ROBO2: variants seen among roughly 807,000 people sequenced by gnomAD.
ROBO2 encodes roundabout homolog 2.
A neutral mutation model predicts 160.8 loss-of-function variants in ROBO2; 53 were observed. The ratio of observed to expected loss-of-function variants is 0.33; its 90% CI spans 0.26 to 0.41. ROBO2 has a LOEUF of 0.41. ROBO2 is among the 10% of genes least tolerant of loss of function. The pLI is 1.00. For synonymous variants in ROBO2, 664 were observed against 611.7 expected, an observed-to-expected ratio of 1.09 and a Z score of -1.26; for missense variants, 1,577 against 1,722.4, an observed-to-expected ratio of 0.92 and a Z score of 1.49.
intron 2 of ROBO2, among the ~76,000 whole-genome samples, chr3:76,920,062 G>GA (rs947287601): frequency 6.6e-5 from 10 of 152,204 alleles, no homozygotes; most frequent in African/African-American, 2.2e-4. Context: ...TTAAACAGCA[G>GA]AAAAAATGTG....
Position 76,138,553 on chromosome 3 carries a change from C to T in ROBO2, c.109+200951C>T, listed in dbSNP as rs111813814. Among the ~76,000 whole-genome samples, 615 of 152,052 alleles carry T rather than the reference C, an allele frequency of 4.0e-3. 7 individuals carry two copies. The highest frequency in any genetic ancestry group is 0.014 in the African/African-American group (588 of 41,528). On this transcript the variant is annotated intron_variant, in intron 2 of 26. Coordinates refer to the ROBO2 transcript ENST00000487694. ...CAATAAGATTTTCTGAAAATTAAGA[C>T]CTAAGCACCTCTTTTAAAGTGTTCC...
At chr3:76,218,854 A>G (rs1703751424) in intron 2 of ROBO2, among the ~76,000 whole-genome samples, 1 of 152,198 alleles carries the variant, frequency 6.6e-6, no homozygotes, top group South Asian at 2.1e-4. Context: ...CACATCGCCA[A>G]GTCAATCCTA....
At chr3:76,723,239 G>A (rs1429139015) in intron 2 of ROBO2, among the ~76,000 whole-genome samples, 1 of 152,058 alleles carries the variant, frequency 6.6e-6, no homozygotes, top group Non-Finnish European at 1.5e-5. Context: ...AATAAAATAT[G>A]CTATTAAGGT....
intron 1 of ROBO2, among the ~76,000 whole-genome samples, chr3:77,089,997 G>A (rs956191072): frequency 6.6e-6 from 1 of 152,154 alleles, no homozygotes; most frequent in Non-Finnish European, 1.5e-5. Flanking sequence ...TTCCTTCAGT[G>A]AAGGAAATTT....
At chr3:76,519,535 G>A (rs893716674) in intron 2 of ROBO2, among the ~76,000 whole-genome samples, 12 of 152,038 alleles carry the variant, frequency 7.9e-5, no homozygotes, top group African/African-American at 2.9e-4. Flanking sequence ...GACAGTCAGG[G>A]GATAATTTAA....
intron 2 of ROBO2, among the ~76,000 whole-genome samples, chr3:76,297,378 A>G (rs1709127273): frequency 6.6e-6 from 1 of 152,178 alleles, no homozygotes; most frequent in South Asian, 2.1e-4. Flanking sequence ...CACTTATACT[A>G]GAAGACTCCA....
At chr3:76,183,609 G>T (rs1174423812) in intron 2 of ROBO2, among the ~76,000 whole-genome samples, 3 of 151,928 alleles carry the variant, frequency 2.0e-5, no homozygotes, top group African/African-American at 7.3e-5. Context: ...TTACATGCAG[G>T]CACTCTTCTA....
At chr3:76,998,415 A>G (rs535147382) in intron 2 of ROBO2, among the ~76,000 whole-genome samples, 21 of 152,192 alleles carry the variant, frequency 1.4e-4, no homozygotes, top group Middle Eastern at 3.4e-3. Flanking sequence ...TTTAAAGACA[A>G]AGGTCCTAGT....
intron 2 of ROBO2, among the ~76,000 whole-genome samples, chr3:76,752,456 A>T (rs1168210912): frequency 6.6e-6 from 1 of 151,850 alleles, no homozygotes; most frequent in Non-Finnish European, 1.5e-5. Flanking sequence ...AAAAGAAAAA[A>T]AATGATGGCA....
At chr3:76,618,575 C>G (rs971478938) in intron 2 of ROBO2, among the ~76,000 whole-genome samples, 11 of 151,534 alleles carry the variant, frequency 7.3e-5, no homozygotes, top group Admixed American at 2.0e-4. Context: ...GTCTGTGACT[C>G]TTCAAACTAC....
intron 2 of ROBO2, among the ~76,000 whole-genome samples, chr3:77,213,166 T>G (rs2084426561): frequency 6.6e-6 from 1 of 152,184 alleles, no homozygotes; most frequent in African/African-American, 2.4e-5. Flanking sequence ...AGCTCCTCCT[T>G]GTACCTCTGG....
At chr3:76,848,333 T>C (rs1006165704) in intron 2 of ROBO2, among the ~76,000 whole-genome samples, 1 of 151,618 alleles carries the variant, frequency 6.6e-6, no homozygotes, top group Non-Finnish European at 1.5e-5. Flanking sequence ...GGGTAGGGGG[T>C]TGGCCAACTT....
intron 2 of ROBO2, among the ~76,000 whole-genome samples, chr3:76,650,147 A>G (rs1332918175): frequency 6.6e-6 from 1 of 152,186 alleles, no homozygotes; most frequent in Non-Finnish European, 1.5e-5. Context: ...AACAAAAACT[A>G]AAACAAAATA....
chr3:76,468,450 TAAC>T (rs1164654486), intron 2 of ROBO2, among the ~76,000 whole-genome samples: 2 of 152,044 alleles, frequency 1.3e-5, no homozygotes, highest in East Asian at 1.9e-4. Context: ...AAGGATACAA[TAAC>T]AACAAGATTT....
chr3:76,350,657 A>G (rs1435328076), intron 2 of ROBO2, among the ~76,000 whole-genome samples: 1 of 152,044 alleles, frequency 6.6e-6, no homozygotes, highest in Non-Finnish European at 1.5e-5. Flanking sequence ...GAAAGCATTA[A>G]TTACTTTAAT....
intron 2 of ROBO2, among the ~76,000 whole-genome samples, chr3:76,201,612 T>G (rs138777755): frequency 1.4e-3 from 216 of 152,256 alleles, no homozygotes; most frequent in African/African-American, 4.1e-3. Context: ...AAGCTGAGGT[T>G]ATAGCTCTTC....
intron 2 of ROBO2, among the ~76,000 whole-genome samples, chr3:76,204,508 A>T (rs965148477): frequency 6.6e-6 from 1 of 152,226 alleles, no homozygotes; most frequent in Non-Finnish European, 1.5e-5. Context: ...GGAGAGAAAT[A>T]GAATGTTCTA....
intron 16 of ROBO2, among the ~76,000 whole-genome samples, chr3:77,582,879 G>C (rs779199993): frequency 2.6e-5 from 4 of 151,942 alleles, no homozygotes; most frequent in African/African-American, 9.7e-5. Context: ...AGTGGCTCAC[G>C]TCTGTAATCC....
intron 2 of ROBO2, among the ~76,000 whole-genome samples, chr3:77,292,396 T>A (rs1290787063): frequency 1.3e-5 from 2 of 151,582 alleles, no homozygotes; most frequent in African/African-American, 4.9e-5. Flanking sequence ...ACCAAAGACA[T>A]AAAGTAAAAT....
Sources: allele counts gnomAD v4.1 joint callset (sites outside exome capture counted in the v4.1 genomes callset), GRCh38; gene constraint gnomAD v4.1.1; transcripts MANE v1.5; gene names NCBI Gene and HGNC (gene_info 2026-07-23, HGNC 2026-07-21).